NRG1: variants seen among roughly 807,000 people sequenced by gnomAD.
The protein encoded by NRG1 is pro-neuregulin-1, membrane-bound isoform.
NRG1 carries 18 observed loss-of-function variants against 63.8 expected under a neutral mutation model. The observed-to-expected ratio is 0.28, with a 90% CI of 0.19 to 0.42. NRG1 has a LOEUF of 0.42. NRG1 is among the 10% of genes least tolerant of loss of function. NRG1 has a pLI of 1.00. For missense variants in NRG1, 762 were observed against 814.7 expected, an observed-to-expected ratio of 0.94 and a Z score of 0.79; for synonymous variants, 302 against 301.3, an observed-to-expected ratio of 1.00 and a Z score of -0.02.
chr8:31,674,571 T>A (rs1177537596), intron 1 of NRG1, among the ~76,000 whole-genome samples: 2 of 135,912 alleles, frequency 1.5e-5, no homozygotes, highest in African/African-American at 2.7e-5. Flanking sequence ...TTTTTTTTTT[T>A]AAAGAGGAAT....
At chr8:32,028,576 G>T (rs1365280555) in intron 1 of NRG1, among the ~76,000 whole-genome samples, 1 of 152,054 alleles carries the variant, frequency 6.6e-6, no homozygotes, top group African/African-American at 2.4e-5. Context: ...TAACATTCAG[G>T]TCATCTTATA....
At chr8:32,529,098 C>T (rs1214139230) in intron 1 of NRG1, among the ~76,000 whole-genome samples, 1 of 152,190 alleles carries the variant, frequency 6.6e-6, no homozygotes, top group African/African-American at 2.4e-5. Flanking sequence ...TAGTTCACTA[C>T]ACACCTAGGC....
At chr8:32,654,724 A>T (rs1855918988) in intron 5 of NRG1, among the ~76,000 whole-genome samples, 1 of 105,930 alleles carries the variant, frequency 9.4e-6, no homozygotes. Flanking sequence ...TATATGAGAA[A>T]ATGTTTTAAT....
At chr8:32,484,729 C>T (rs1227521644) in intron 1 of NRG1, among the ~76,000 whole-genome samples, 1 of 152,010 alleles carries the variant, frequency 6.6e-6, no homozygotes, top group African/African-American at 2.4e-5. Flanking sequence ...TTTCTTTTTA[C>T]AGAAGTTAAC....
At chr8:31,741,058 C>T (rs1368430783) in intron 1 of NRG1, among the ~76,000 whole-genome samples, 1 of 151,948 alleles carries the variant, frequency 6.6e-6, no homozygotes. Flanking sequence ...TGAAATAATG[C>T]CCTTTGCAGC....
At chr8:32,390,874 A>G (rs572280878) in intron 1 of NRG1, among the ~76,000 whole-genome samples, 1 of 152,126 alleles carries the variant, frequency 6.6e-6, no homozygotes. Flanking sequence ...TGTTGAATTA[A>G]GAAAATTAAA....
At chr8:31,793,860 T>A (rs890290054) in intron 1 of NRG1, among the ~76,000 whole-genome samples, 7 of 152,180 alleles carry the variant, frequency 4.6e-5, no homozygotes, top group Non-Finnish European at 1.0e-4. Flanking sequence ...TTGAACAGCA[T>A]CTTCTTTTTT....
chr8:31,708,796 G>A (rs1396119806), intron 1 of NRG1, among the ~76,000 whole-genome samples: 9 of 152,106 alleles, frequency 5.9e-5, no homozygotes, highest in Non-Finnish European at 1.3e-4. Context: ...GTTACACAAA[G>A]CCCTTTATTA....
chr8:31,780,858 G>C (rs547385231), intron 1 of NRG1, among the ~76,000 whole-genome samples: 2 of 152,208 alleles, frequency 1.3e-5, no homozygotes, highest in Middle Eastern at 3.4e-3. Context: ...CTTTGAATAA[G>C]GTCTTTTTGC....
chr8:32,594,859 A>C (rs1457824824), intron 1 of NRG1, among the ~76,000 whole-genome samples: 1 of 152,180 alleles, frequency 6.6e-6, no homozygotes, highest in Non-Finnish European at 1.5e-5. Flanking sequence ...ATGGGATAGA[A>C]ACTCTGTAGG....
At chr8:32,573,689 A>G (rs1839068874) in intron 1 of NRG1, among the ~76,000 whole-genome samples, 2 of 152,004 alleles carry the variant, frequency 1.3e-5, no homozygotes, top group South Asian at 4.2e-4. Flanking sequence ...TTTAGGGTAC[A>G]TGTGCACAAT....
At chr8:32,196,685 C>T (rs1842979791) in intron 1 of NRG1, among the ~76,000 whole-genome samples, 1 of 152,102 alleles carries the variant, frequency 6.6e-6, no homozygotes, top group Admixed American at 6.6e-5. Context: ...GAAGCCTTCA[C>T]CTTTCATTCC....
intron 1 of NRG1, among the ~76,000 whole-genome samples, chr8:32,591,128 A>G (rs1183551356): frequency 2.0e-5 from 3 of 152,132 alleles, no homozygotes; most frequent in Non-Finnish European, 2.9e-5. Context: ...CACTTACGCT[A>G]TGGAGGATTT....
chr8:31,851,811 A>G lies in NRG1; in HGVS notation c.37+212380A>G, dbSNP rs866632996. ...GTGTGATGTTCCCCTTCCTGTGTCCATGTGTTCTCATTGTTCAATTCCCAC... is the reference window on the plus strand; with the variant it reads ...GTGTGATGTTCCCCTTCCTGTGTCCGTGTGTTCTCATTGTTCAATTCCCAC... On this transcript the variant is annotated intron_variant, in intron 1 of 10. Transcript: ENST00000519301. Among the ~76,000 whole-genome samples, 757 of 135,168 alleles carry G rather than the reference A, an allele frequency of 5.6e-3. 12 individuals carry two copies. The highest frequency in any genetic ancestry group is 0.02 in the African/African-American group (733 of 35,944). 88.7% of individuals were successfully genotyped at this position (135,168 alleles called of 152,430 possible). A position where few individuals can be genotyped will look rare whatever the true frequency, so the allele number is the denominator to read the frequency against.
intron 1 of NRG1, among the ~76,000 whole-genome samples, chr8:31,675,889 C>A (rs1370207601): frequency 6.6e-6 from 1 of 152,082 alleles, no homozygotes; most frequent in Non-Finnish European, 1.5e-5. Flanking sequence ...ACTTCTGATA[C>A]CAAATTTTGT....
At chr8:32,706,176 T>C (rs1224184863) in intron 5 of NRG1, among the ~76,000 whole-genome samples, 1 of 152,226 alleles carries the variant, frequency 6.6e-6, no homozygotes, top group Non-Finnish European at 1.5e-5. Flanking sequence ...TCTGAGCTGA[T>C]AGCAGTGTAG....
intron 1 of NRG1, among the ~76,000 whole-genome samples, chr8:31,873,425 G>A (rs1829657377): frequency 6.6e-6 from 1 of 152,168 alleles, no homozygotes; most frequent in Non-Finnish European, 1.5e-5. Context: ...CGGGCGTGGT[G>A]GCGTGCGCCT....
chr8:32,361,541 T>G (rs1767614942), intron 1 of NRG1, among the ~76,000 whole-genome samples: 1 of 152,184 alleles, frequency 6.6e-6, no homozygotes, highest in Admixed American at 6.6e-5. Flanking sequence ...CAAGTGACAT[T>G]TCTGCATCCC....
chr8:32,534,245 T>G (rs1831742201), intron 1 of NRG1, among the ~76,000 whole-genome samples: 2 of 152,088 alleles, frequency 1.3e-5, no homozygotes, highest in African/African-American at 4.8e-5. Flanking sequence ...GATAAATCCA[T>G]GCCTTGAAAA....
Sources: gnomAD v4.1 joint callset for allele counts (sites outside exome capture counted in the v4.1 genomes callset) on GRCh38, gnomAD v4.1.1 for gene constraint, MANE v1.5 for transcripts, NCBI Gene and HGNC (gene_info 2026-07-23, HGNC 2026-07-21) for gene names.